Variants in PHLDB3 observed in about 807,000 individuals in gnomAD.
PHLDB3 encodes the protein pleckstrin homology like domain family B member 3.
Under a neutral mutation model 85.7 loss-of-function variants are expected in PHLDB3, and 86 were observed. That is an observed-to-expected ratio of 1.00 (90% CI 0.84 to 1.20). The LOEUF is 1.20. Among genes scored for constraint, PHLDB3 ranks in the 50% most tolerant of loss-of-function variants. The probability of loss-of-function intolerance (pLI) is 0.00; values close to 1 mark genes in which losing one functional copy is unlikely to be tolerated. For synonymous variants in PHLDB3, 376 were observed against 349.8 expected (o/e 1.07, Z -0.83); for missense variants, 995 against 873.0 (o/e 1.14, Z -1.76).
chr19:43,499,292 CAG>C (rs1568484467), intron 4 of PHLDB3, among the ~76,000 whole-genome samples: 1 of 151,918 alleles, frequency 6.6e-6, no homozygotes, highest in Non-Finnish European at 1.5e-5. Context: ...GCAAGACAAA[CAG>C]TGTGGAGAAG....
chr19:43,483,504 C>T (rs1971090748), intron 13 of PHLDB3, among the ~76,000 whole-genome samples: 1 of 152,076 alleles, frequency 6.6e-6, no homozygotes, highest in Non-Finnish European at 1.5e-5. Flanking sequence ...TTCTCCAGCT[C>T]CGGGACTCAA....
intron 3 of PHLDB3, 79 bp downstream of exon 3, chr19:43,502,022 C>A: frequency 4.0e-6 from 6 of 1,511,694 alleles, no homozygotes; most frequent in Non-Finnish European, 4.4e-6. Flanking sequence ...TGATCCCACC[C>A]GAGGAAAAAG....
intron 13 of PHLDB3, among the ~76,000 whole-genome samples, chr19:43,484,725 C>A (rs1297855917): frequency 6.6e-6 from 1 of 151,996 alleles, no homozygotes; most frequent in Non-Finnish European, 1.5e-5. Flanking sequence ...AAAAAACAAG[C>A]CTATCTATTG....
intron 1 of PHLDB3, 150 bp downstream of exon 1, chr19:43,504,439 C>T: frequency 2.2e-6 from 1 of 451,746 alleles, no homozygotes; most frequent in South Asian, 3.2e-5. Flanking sequence ...ACCCTCCCAG[C>T]AGCCCCCTAC....
Position 43,486,538 on chromosome 19 carries a change from G to T in PHLDB3, c.1428+71C>A, listed in dbSNP as rs1971162496. On this transcript the variant is annotated intron_variant, in intron 12 of 15. Coordinates refer to ENST00000292140, the MANE Select transcript of PHLDB3 (RefSeq NM_198850.4). ...TGGGTCTGAGGGAGGTGGAGTTGGG[G>T]GTCTCCCAGGTCTGAGGGAGGAGAG... 6 of 1,515,928 alleles carry T rather than the reference G, an allele frequency of 4.0e-6. No individual in the cohort carries two copies. The South Asian group carries it at 7.4e-5, about 19-fold the overall frequency. The allele number at this position is 1,515,928 out of a possible 1,614,324, so 93.9% of individuals were successfully genotyped here.
At chr19:43,501,562 C>G in intron 4 of PHLDB3, 172 bp downstream of exon 4, 1 of 1,294,594 alleles carries the variant, frequency 7.7e-7, no homozygotes, top group South Asian at 1.6e-5. Flanking sequence ...AAATCTCGCC[C>G]AGGGAGGGAG....
At chr19:43,496,992 G>C in intron 6 of PHLDB3, 126 bp downstream of exon 6, 2 of 1,241,408 alleles carry the variant, frequency 1.6e-6, no homozygotes, top group Non-Finnish European at 2.1e-6. Flanking sequence ...ATTAGTATCA[G>C]CTCTTGTTGT....
At chr19:43,486,465 G>T (rs1971159757) in intron 12 of PHLDB3, 143 bp from the exon 13 acceptor site, 2 of 1,259,930 alleles carry the variant, frequency 1.6e-6, no homozygotes, top group Non-Finnish European at 2.2e-6. Flanking sequence ...TGGGCTGGGG[G>T]CCTGGACTCC....
At position 43,487,574 on chromosome 19, in the gene PHLDB3, C is replaced by CAAAAAAAAAAAAAAAA. The variant is rs760708749; in HGVS notation, c.1150-467_1150-452dup. ...TGGGCGACAGAGCAAGACTCTGTCT[C>CAAAAAAAAAAAAAAAA]AAAAAAAAAAAAAAAAAACACAGAA... On this transcript the variant is annotated intron_variant, in intron 9 of 15. Transcript: ENST00000292140. Among the ~76,000 whole-genome samples the CAAAAAAAAAAAAAAAA allele has an allele frequency of 2.5e-3, 95 of 38,470 alleles. 5 individuals are homozygous for CAAAAAAAAAAAAAAAA. The highest frequency in any genetic ancestry group is 0.013 in the East Asian group (17 of 1,304). The allele number at this position is 38,470 out of a possible 152,430, so 25.2% of individuals were successfully genotyped here.
At chr19:43,501,649 C>G (rs764509212) in intron 4 of PHLDB3, 85 bp downstream of exon 4, 182 of 1,533,328 alleles carry the variant, frequency 1.2e-4, no homozygotes, top group Middle Eastern at 1.7e-4. Flanking sequence ...TGGGGACAAC[C>G]CCGGGGCGCA....
At chr19:43,485,650 G>A (rs1054927418) in intron 13 of PHLDB3, among the ~76,000 whole-genome samples, 14 of 149,692 alleles carry the variant, frequency 9.4e-5, no homozygotes, top group African/African-American at 3.5e-4. Flanking sequence ...CTCCACCTGC[G>A]GGTTCAAGTG....
intron 1 of PHLDB3, 128 bp from the exon 2 acceptor site, chr19:43,504,260 CTG>C: frequency 1.2e-6 from 1 of 846,202 alleles, no homozygotes; most frequent in Non-Finnish European, 1.8e-6. Context: ...AAGGATGGAA[CTG>C]AGCGTTACGG....
At position 43,487,591 on chromosome 19, in the gene PHLDB3, A is replaced by AAAAC. The variant is rs1167897767; in HGVS notation, c.1150-469_1150-468insGTTT. On this transcript the variant is annotated intron_variant, in intron 9 of 15. Transcript: ENST00000292140. The stretch of plus-strand genomic sequence containing the variant: ...CTCTGTCTCAAAAAAAAAAAAAAAA[A>AAAAC]ACACAGAAAAGAAAAAAAGAAATGT... Among the ~76,000 whole-genome samples, 15 of 115,814 alleles carry AAAAC rather than the reference A, an allele frequency of 1.3e-4. 1 individual carries two copies. Among genetic ancestry groups the AAAAC allele is most frequent in the South Asian group, 2.7e-4 (1 of 3,676 alleles). 76.0% of individuals were successfully genotyped at this position (115,814 alleles called of 152,430 possible).
Position 43,475,159 on chromosome 19 carries a change from C to T in PHLDB3, c.*251G>A. On this transcript the variant is annotated 3_prime_UTR_variant, in exon 16 of 16. Coordinates refer to ENST00000292140, the MANE Select transcript of PHLDB3 (RefSeq NM_198850.4). ...TCACAGGAGCACCAATAAATAGTTT[C>T]TTCCCGCCCCTGCAATCTTCCTCCT... is the stretch of plus-strand genomic sequence containing the variant. 5 of 475,798 alleles carry T rather than the reference C, an allele frequency of 1.1e-5. No homozygotes were observed. Among genetic ancestry groups the T allele is most frequent in the Non-Finnish European group, 1.9e-5 (5 of 264,306 alleles). The allele number at this position is 475,798 out of a possible 1,614,324, so 29.5% of individuals were successfully genotyped here.
chr19:43,497,661 G>A (rs568828678), intron 5 of PHLDB3, 87 bp downstream of exon 5: 30 of 1,406,934 alleles, frequency 2.1e-5, no homozygotes, highest in Middle Eastern at 2.4e-4. Context: ...GCAGTGAGCC[G>A]AGATCGCACC....
Position 43,475,409 on chromosome 19 carries a change from C to T in PHLDB3, c.*1G>A, listed in dbSNP as rs767939251. ...ACTTCCCCCCAAGAGGGCGGGGCCA[C>T]TCAGGGGGCGTGGTTTTCGTCAGCG... On this transcript the variant is annotated 3_prime_UTR_variant, in exon 16 of 16. Transcript: ENST00000292140. The T allele has an allele frequency of 6.2e-7, 1 of 1,613,876 alleles. No individual in the cohort carries two copies. Among genetic ancestry groups the T allele is most frequent in the Non-Finnish European group, 8.5e-7 (1 of 1,179,790 alleles).
intron 13 of PHLDB3, among the ~76,000 whole-genome samples, chr19:43,484,866 C>T (rs66849333): frequency 0.12 from 18,054 of 151,968 alleles, 1,604 homozygotes; most frequent in African/African-American, 0.23. Flanking sequence ...TAGAATTATT[C>T]TTATAATTCT....
At chr19:43,483,542 G>A (rs1301851350) in intron 13 of PHLDB3, among the ~76,000 whole-genome samples, 1 of 152,116 alleles carries the variant, frequency 6.6e-6, no homozygotes, top group African/African-American at 2.4e-5. Context: ...GCCTCTCAAA[G>A]TGCTGAGATT....
chr19:43,478,802 C>T (rs1419297735), intron 14 of PHLDB3, among the ~76,000 whole-genome samples: 1 of 152,134 alleles, frequency 6.6e-6, no homozygotes. Flanking sequence ...GTAGTCCCGC[C>T]TATTCAGGAG....
Sources: gnomAD v4.1 joint callset for allele counts (sites outside exome capture counted in the v4.1 genomes callset) on GRCh38, gnomAD v4.1.1 for gene constraint, MANE v1.5 for transcripts, NCBI Gene and HGNC (gene_info 2026-07-23, HGNC 2026-07-21) for gene names.